SCHIP1: variants seen among roughly 807,000 people sequenced by gnomAD.
SCHIP1 encodes schwannomin-interacting protein 1.
A neutral mutation model predicts 29.7 loss-of-function variants in SCHIP1; 8 were observed. That is an observed-to-expected ratio of 0.27 (90% CI 0.16 to 0.49). SCHIP1 has a LOEUF of 0.49. SCHIP1 is among the 20% of genes least tolerant of loss of function. SCHIP1 has a pLI of 0.99. For synonymous variants in SCHIP1, 76 were observed against 94.9 expected (o/e 0.80, Z 1.16); for missense variants, 193 against 294.6 (o/e 0.66, Z 2.52).
chr3:159,436,417 A>G, the SCHIP1 span, among the ~76,000 whole-genome samples: 1 of 152,168 alleles, frequency 6.6e-6, no homozygotes, highest in Non-Finnish European at 1.5e-5. Flanking sequence ...AAGGGAAATT[A>G]ACTCCTAGAG....
the SCHIP1 span, among the ~76,000 whole-genome samples, chr3:159,417,866 G>A: frequency 1.4e-4 from 22 of 152,238 alleles, no homozygotes; most frequent in East Asian, 1.9e-4. Context: ...GTCTCAGCTC[G>A]CCTGCCAGGG....
chr3:159,606,929 A>G, the SCHIP1 span, among the ~76,000 whole-genome samples: 1 of 152,224 alleles, frequency 6.6e-6, no homozygotes, highest in African/African-American at 2.4e-5. Flanking sequence ...GTGAAGAAGG[A>G]TGGATCTGGT....
chr3:159,608,096 A>C, the SCHIP1 span, among the ~76,000 whole-genome samples: 5 of 152,188 alleles, frequency 3.3e-5, no homozygotes, highest in Non-Finnish European at 7.3e-5. Context: ...GGCTCAAGGC[A>C]AAGTTATTTA....
the SCHIP1 span, among the ~76,000 whole-genome samples, chr3:159,531,228 A>T: frequency 6.6e-6 from 1 of 152,336 alleles, no homozygotes; most frequent in South Asian, 2.1e-4. Flanking sequence ...GTGCAGACAT[A>T]CTAGGGGATA....
chr3:159,527,361 C>T, the SCHIP1 span, among the ~76,000 whole-genome samples: 1 of 152,160 alleles, frequency 6.6e-6, no homozygotes, highest in Non-Finnish European at 1.5e-5. Context: ...TGTAGTTATT[C>T]CCTTCCCAAG....
At chr3:159,641,652 C>T in the SCHIP1 span, among the ~76,000 whole-genome samples, 1 of 152,128 alleles carries the variant, frequency 6.6e-6, no homozygotes, top group Non-Finnish European at 1.5e-5. Context: ...GAACGAATGT[C>T]TGATATTTGC....
At chr3:159,613,710 T>G in the SCHIP1 span, among the ~76,000 whole-genome samples, 1 of 152,214 alleles carries the variant, frequency 6.6e-6, no homozygotes, top group Non-Finnish European at 1.5e-5. Context: ...AGGATGGTGA[T>G]CTTGGTTCAG....
chr3:159,709,987 G>C, the SCHIP1 span, among the ~76,000 whole-genome samples: 1 of 152,150 alleles, frequency 6.6e-6, no homozygotes. Flanking sequence ...ACTATTGGTG[G>C]GAATGTAAAT....
chr3:159,427,201 G>A, the SCHIP1 span, among the ~76,000 whole-genome samples: 5 of 151,574 alleles, frequency 3.3e-5, no homozygotes, highest in Non-Finnish European at 7.4e-5. Flanking sequence ...TCTGGCCAGG[G>A]CAATTAGGCA....
chr3:159,309,222 A>G, the SCHIP1 span: 3 of 220,452 alleles, frequency 1.4e-5, no homozygotes, highest in African/African-American at 7.0e-5. Context: ...ATTGTATTAC[A>G]TGACATATAT....
the SCHIP1 span, among the ~76,000 whole-genome samples, chr3:159,549,087 G>A: frequency 6.6e-6 from 1 of 152,116 alleles, no homozygotes; most frequent in African/African-American, 2.4e-5. Context: ...TCTATCTCTT[G>A]AGTGGCAGAT....
the SCHIP1 span, among the ~76,000 whole-genome samples, chr3:159,380,102 T>G: frequency 6.6e-6 from 1 of 152,268 alleles, no homozygotes; most frequent in South Asian, 2.1e-4. Context: ...CTATATCTAG[T>G]TTGTAATGCT....
the SCHIP1 span, among the ~76,000 whole-genome samples, chr3:159,436,368 A>G: frequency 6.6e-6 from 1 of 152,256 alleles, no homozygotes; most frequent in African/African-American, 2.4e-5. Context: ...CATCTGTAAA[A>G]TGAGATAATA....
the SCHIP1 span, among the ~76,000 whole-genome samples, chr3:159,581,851 G>GA: frequency 6.6e-6 from 1 of 152,074 alleles, no homozygotes; most frequent in African/African-American, 2.4e-5. Context: ...AAGTTTTAAT[G>GA]AAAAAATTAT....
chr3:159,531,526 C>G, the SCHIP1 span, among the ~76,000 whole-genome samples: 1 of 152,094 alleles, frequency 6.6e-6, no homozygotes, highest in Admixed American at 6.5e-5. Flanking sequence ...TACAAAAGAC[C>G]AAACTCTCTG....
the SCHIP1 span, among the ~76,000 whole-genome samples, chr3:159,680,614 GTATA>G: frequency 1.3e-5 from 1 of 78,150 alleles, no homozygotes; most frequent in African/African-American, 6.3e-5. Context: ...TATTATATAT[GTATA>G]TATAATATAT....
chr3:159,533,987 C>T, the SCHIP1 span, among the ~76,000 whole-genome samples: 1 of 152,186 alleles, frequency 6.6e-6, no homozygotes, highest in Admixed American at 6.5e-5. Flanking sequence ...AAGAAGCTAA[C>T]CCTGCCTCCT....
At chr3:159,435,314 T>C in the SCHIP1 span, among the ~76,000 whole-genome samples, 1 of 152,136 alleles carries the variant, frequency 6.6e-6, no homozygotes, top group Non-Finnish European at 1.5e-5. Flanking sequence ...TCTTTGTAAG[T>C]TGTTGTTATT....
the SCHIP1 span, among the ~76,000 whole-genome samples, chr3:159,654,798 TAAGTA>T: frequency 8.8e-6 from 1 of 114,048 alleles, no homozygotes; most frequent in Non-Finnish European, 1.7e-5. Context: ...TCTATGACTT[TAAGTA>T]AAAAAAAAAA....
Sources: gnomAD v4.1 joint callset for allele counts (sites outside exome capture counted in the v4.1 genomes callset) on GRCh38, gnomAD v4.1.1 for gene constraint, MANE v1.5 for transcripts, NCBI Gene and HGNC (gene_info 2026-07-23, HGNC 2026-07-21) for gene names.